The following STX11 variants were observed in gnomAD, a reference collection of about 807,000 sequenced individuals.
STX11 encodes syntaxin 11.
STX11 carries 21 observed loss-of-function variants against 19.9 expected under a neutral mutation model. The ratio of observed to expected loss-of-function variants is 1.06; its 90% CI spans 0.75 to 1.52. STX11 has a LOEUF of 1.52. Among genes scored for constraint, STX11 ranks in the 40% most tolerant of loss-of-function variants. STX11 has a pLI of 0.00. For missense variants in STX11, 438 were observed against 405.9 expected (o/e 1.08, Z -0.68); for synonymous variants, 193 against 174.4 (o/e 1.11, Z -0.84).
chr6:144,181,689 T>G (rs1423237715), intron 1 of STX11, among the ~76,000 whole-genome samples: 1 of 150,536 alleles, frequency 6.6e-6, no homozygotes, highest in Non-Finnish European at 1.5e-5. Context: ...GAGATCATCC[T>G]AGGCCTACCG....
intron 1 of STX11, among the ~76,000 whole-genome samples, chr6:144,179,962 A>C (rs1384310825): frequency 6.6e-6 from 1 of 152,156 alleles, no homozygotes; most frequent in Non-Finnish European, 1.5e-5. Context: ...TTTGCTTCTG[A>C]AATAGCCGAA....
At chr6:144,144,018 T>C in the STX11 span, among the ~76,000 whole-genome samples, 1 of 152,252 alleles carries the variant, frequency 6.6e-6, no homozygotes, top group Non-Finnish European at 1.5e-5. Context: ...TTCCTAGGTC[T>C]TGTTATGTCT....
intron 1 of STX11, among the ~76,000 whole-genome samples, chr6:144,163,254 A>G (rs1054010956): frequency 7.9e-5 from 12 of 152,180 alleles, no homozygotes; most frequent in Non-Finnish European, 1.0e-4. Context: ...TGTCAAATTT[A>G]TAACATTTTA....
intron 1 of STX11, among the ~76,000 whole-genome samples, chr6:144,161,411 A>G (rs1801334891): frequency 6.6e-6 from 1 of 151,226 alleles, no homozygotes; most frequent in Non-Finnish European, 1.5e-5. Context: ...ACTGTCGCCC[A>G]CGCTGGAGTG....
At chr6:144,179,614 G>A (rs1448948896) in intron 1 of STX11, among the ~76,000 whole-genome samples, 2 of 152,172 alleles carry the variant, frequency 1.3e-5, no homozygotes, top group Admixed American at 6.5e-5. Flanking sequence ...ACCCCATGGG[G>A]CTGTGCAGGT....
At chr6:144,157,647 G>A (rs1801207680) in intron 1 of STX11, among the ~76,000 whole-genome samples, 1 of 152,116 alleles carries the variant, frequency 6.6e-6, no homozygotes, top group African/African-American at 2.4e-5. Context: ...AGAAGATTAG[G>A]AGCAGAAGAG....
rs1801742682 is a variant in STX11 at position 144,175,005 on chromosome 6, T to G, written c.-5-11618T>G. Among the ~76,000 whole-genome samples the G allele has an allele frequency of 6.6e-6, 1 of 151,792 alleles. No homozygotes were observed. The highest frequency in any genetic ancestry group is 2.4e-5 in the African/African-American group (1 of 41,308). ...AAAATTAGCCCGCAGTCCCAGCTAC[T>G]CGGGAGGCTGAGGCGGGTGGATCAC... On this transcript the variant is annotated intron_variant, in intron 1 of 1. Coordinates refer to ENST00000367568, the MANE Select transcript of STX11 (RefSeq NM_003764.4). The surrounding 1 kb of genome is among the most constrained non-coding windows in gnomAD (Gnocchi z 5.1).
At position 144,174,500 on chromosome 6, in the gene STX11, G is replaced by C. The variant is rs1277898841; in HGVS notation, c.-5-12123G>C. ...TCTTCCAGCCTTAGCCTCCCGAGTA[G>C]CTGGGACTGCAGGTGTGCACCACCA... On this transcript the variant is annotated intron_variant, in intron 1 of 1. Coordinates refer to ENST00000367568, the MANE Select transcript of STX11 (RefSeq NM_003764.4). This position sits in a 1 kb window ranked among gnomAD's most constrained non-coding sequence, Gnocchi z 5.3. 6.6e-6 allele frequency among the ~76,000 whole-genome samples: 1 copy of C among 152,064 alleles called. No individual in the cohort carries two copies. The highest frequency in any genetic ancestry group is 1.5e-5 in the Non-Finnish European group (1 of 68,030).
At position 144,152,961 on chromosome 6, in the gene STX11, A is replaced by G. The variant is rs1408596940; in HGVS notation, c.-6+2258A>G. On this transcript the variant is annotated intron_variant, in intron 1 of 1. Transcript: ENST00000367568. This position sits in a 1 kb window ranked among gnomAD's most constrained non-coding sequence, Gnocchi z 4.9. ...ATAGTTTATACATTGGTAACACTAT[A>G]TTGAAGCGAGTTTATGATCATTGTT... Among the ~76,000 whole-genome samples, 1 of 152,226 alleles carries G rather than the reference A, an allele frequency of 6.6e-6. No individual in the cohort carries two copies. The highest frequency in any genetic ancestry group is 2.4e-5 in the African/African-American group (1 of 41,452).
Position 144,182,917 on chromosome 6 carries a change from G to A in STX11, c.-5-3706G>A, listed in dbSNP as rs1395418261. ...ACTTGTTGCATGGTAGACTATATTG[G>A]GTACTAACTTAAGCAGATGGGTACA... is the stretch of plus-strand genomic sequence containing the variant. On this transcript the variant is annotated intron_variant, in intron 1 of 1. Transcript: ENST00000367568. This position sits in a 1 kb window ranked among gnomAD's most constrained non-coding sequence, Gnocchi z 4.8. 2.6e-5 allele frequency among the ~76,000 whole-genome samples: 4 copies of A among 152,090 alleles called. No individual in the cohort carries two copies. The highest frequency in any genetic ancestry group is 4.4e-5 in the Non-Finnish European group (3 of 68,022).
upstream of STX11, among the ~76,000 whole-genome samples, chr6:144,147,354 T>C (rs867335120): frequency 6.6e-6 from 1 of 152,176 alleles, no homozygotes; most frequent in Non-Finnish European, 1.5e-5. This position sits in a 1 kb window ranked among gnomAD's most constrained non-coding sequence, Gnocchi z 4.2. Flanking sequence ...CGTCCTAATT[T>C]TACACACTGT....
In STX11 at chr6:144,187,851, A is replaced by C. The variant is rs1030183764; in HGVS notation, c.*360A>C. On this transcript the variant is annotated 3_prime_UTR_variant, in exon 2 of 2. Transcript: ENST00000367568. This position sits in a 1 kb window ranked among gnomAD's most constrained non-coding sequence, Gnocchi z 5.6. ...CTAATAAAGACTCAAGGAGGAAGTC[A>C]ATTGGGCATCTGCTAATAGAATGAA... 4 of 396,444 alleles carry C rather than the reference A, an allele frequency of 1.0e-5. No individual in the cohort carries two copies. Among genetic ancestry groups the C allele is most frequent in the African/African-American group, 2.0e-5 (1 of 49,832 alleles). The allele number at this position is 396,444 out of a possible 1,614,324, so 24.6% of individuals were successfully genotyped here. A position where few individuals can be genotyped will look rare whatever the true frequency, so the allele number is the denominator to read the frequency against.
In STX11 at chr6:144,190,256, T is replaced by C. The variant is rs1802181742; in HGVS notation, c.*2765T>C. Among the ~76,000 whole-genome samples, 1 of 152,256 alleles carries C rather than the reference T, an allele frequency of 6.6e-6. No individual in the cohort carries two copies. The highest frequency in any genetic ancestry group is 1.5e-5 in the Non-Finnish European group (1 of 68,044). On this transcript the variant is annotated 3_prime_UTR_variant, in exon 2 of 2. Transcript: ENST00000367568. ...AATCTTGACTCTGCCACATACTAGC[T>C]GTCTGACTGAACCTTGGTTTTTCTG...
chr6:144,186,652 CT>C lies in STX11; in HGVS notation c.26del (p.Leu9ArgfsTer54). 6.2e-7 allele frequency: 1 copy of C among 1,614,058 alleles called. No homozygotes were observed. Among genetic ancestry groups the C allele is most frequent in the African/African-American group, 1.3e-5 (1 of 75,066 alleles). On this transcript the variant is annotated frameshift_variant, in exon 2 of 2. Coordinates refer to ENST00000367568, the MANE Select transcript of STX11 (RefSeq NM_003764.4). LOFTEE classifies it high-confidence loss of function. ...AATGAAAGACCGGCTAGCAGAACTT[CT>C]GGACTTGTCCAAGCAATATGACCAG... is the stretch of plus-strand genomic sequence containing the variant. MKDRLAELLDLSKQYDQQF... is the reference protein window; with the variant it reads MKDRLAELXDLSKQYDQQF...
Position 144,159,056 on chromosome 6 carries a change from TTCTC to T in STX11, c.-6+8357_-6+8360del, listed in dbSNP as rs1438428254. Among the ~76,000 whole-genome samples, 16 of 152,238 alleles carry T rather than the reference TTCTC, an allele frequency of 1.1e-4. No homozygotes were observed. Among genetic ancestry groups the T allele is most frequent in the African/African-American group, 3.6e-4 (15 of 41,468 alleles). On this transcript the variant is annotated intron_variant, in intron 1 of 1. Coordinates refer to ENST00000367568, the MANE Select transcript of STX11 (RefSeq NM_003764.4). The surrounding 1 kb of genome is among the most constrained non-coding windows in gnomAD (Gnocchi z 4.3). ...TCTATTATGGCATTTATTATCATTA[TTCTC>T]TCTAACAGCCTGTAAGAGCAAGAAC... is the stretch of plus-strand genomic sequence containing the variant.
chr6:144,161,205 G>A (rs1035617094), intron 1 of STX11, among the ~76,000 whole-genome samples: 1 of 152,132 alleles, frequency 6.6e-6, no homozygotes, highest in African/African-American at 2.4e-5. Flanking sequence ...AGCAATGATG[G>A]CAGAATGGAG....
chr6:144,187,242 C>G lies in STX11; in HGVS notation c.615C>G (p.Asn205Lys). The change falls in exon 2 of 2, where the codon AAC becomes AAG. Residue 205 changes from asparagine to lysine, a missense_variant. Coordinates refer to ENST00000367568, the MANE Select transcript of STX11 (RefSeq NM_003764.4). The surrounding 1 kb of genome is among the most constrained non-coding windows in gnomAD (Gnocchi z 5.6). Reference protein sequence around the residue: ...ADVKGARAALNEIESRHRELL... With the variant: ...ADVKGARAALKEIESRHRELL... ...TGAAGGGCGCGCGGGCCGCCCTCAA[C>G]GAGATCGAGAGCCGCCACCGCGAAC... The G allele has an allele frequency of 2.5e-6, 4 of 1,613,838 alleles. No homozygotes were observed. The highest frequency in any genetic ancestry group is 3.4e-6 in the Non-Finnish European group (4 of 1,179,992).
chr6:144,168,099 T>C (rs2128750912), intron 1 of STX11, among the ~76,000 whole-genome samples: 1 of 152,336 alleles, frequency 6.6e-6, no homozygotes, highest in South Asian at 2.1e-4. Context: ...TATGTGCAAA[T>C]TATGTATTCT....
rs77412388 is a variant in STX11, at chr6:144,177,941, G to A, written c.-5-8682G>A. Among the ~76,000 whole-genome samples the A allele has an allele frequency of 0.039, 5,867 of 152,272 alleles. 248 individuals are homozygous for A. The highest frequency in any genetic ancestry group is 0.2 in the East Asian group (1,059 of 5,184). On this transcript the variant is annotated intron_variant, in intron 1 of 1. Coordinates refer to ENST00000367568, the MANE Select transcript of STX11 (RefSeq NM_003764.4). This position sits in a 1 kb window ranked among gnomAD's most constrained non-coding sequence, Gnocchi z 4.4. ...ACTGTAACAACTGAAGTGTTGCAAT[G>A]TTGGGGAAACTCTGATATGAAGAAA... is the stretch of plus-strand genomic sequence containing the variant.
Sources: gnomAD v4.1 joint callset for allele counts (sites outside exome capture counted in the v4.1 genomes callset) on GRCh38, gnomAD v4.1.1 for gene constraint, Gnocchi (gnomAD v3.1) non-coding constraint, MANE v1.5 for transcripts, NCBI Gene and HGNC (gene_info 2026-07-23, HGNC 2026-07-21) for gene names.